The following CTNNA3 variants were observed in gnomAD, a reference collection of about 807,000 sequenced individuals.
The protein encoded by CTNNA3 is catenin alpha-3.
A neutral mutation model predicts 95.7 loss-of-function variants in CTNNA3; 76 were observed. The ratio of observed to expected loss-of-function variants is 0.79; its 90% CI spans 0.66 to 0.96. The LOEUF is 0.96. CTNNA3 is among the 40% of genes least tolerant of loss of function. The probability of loss-of-function intolerance (pLI) is 0.00; values close to 1 mark genes in which losing one functional copy is unlikely to be tolerated. For synonymous variants in CTNNA3, 431 were observed against 374.4 expected (o/e 1.15, Z -1.74); for missense variants, 1,191 against 1,089.8 (o/e 1.09, Z -1.31).
chr10:66,499,381 G>A (rs118130395), intron 11 of CTNNA3, among the ~76,000 whole-genome samples: 78 of 152,072 alleles, frequency 5.1e-4, no homozygotes, highest in Non-Finnish European at 9.4e-4. Flanking sequence ...TTAACAGTCA[G>A]GTAAATATTT....
At chr10:66,337,722 G>A (rs369680234) in intron 12 of CTNNA3, among the ~76,000 whole-genome samples, 3 of 152,106 alleles carry the variant, frequency 2.0e-5, no homozygotes, top group Admixed American at 6.5e-5. Flanking sequence ...CCACTAAGGT[G>A]GTCATAATAA....
chr10:66,242,692 C>T (rs2090158816), intron 13 of CTNNA3, among the ~76,000 whole-genome samples: 1 of 152,048 alleles, frequency 6.6e-6, no homozygotes, highest in Admixed American at 6.6e-5. Flanking sequence ...AGTGTAAAAT[C>T]GTGCAAATAT....
chr10:67,027,069 A>G (rs1489959150), intron 7 of CTNNA3, among the ~76,000 whole-genome samples: 7 of 152,238 alleles, frequency 4.6e-5, no homozygotes, highest in Non-Finnish European at 8.8e-5. Flanking sequence ...AAACTCTCTG[A>G]GAGCGTAGAT....
chr10:66,933,817 C>T (rs985138684), intron 7 of CTNNA3, among the ~76,000 whole-genome samples: 4 of 152,108 alleles, frequency 2.6e-5, no homozygotes, highest in Admixed American at 6.6e-5. Flanking sequence ...AGGCTTCCTC[C>T]GCTGGATGTA....
intron 9 of CTNNA3, among the ~76,000 whole-genome samples, chr10:66,647,836 T>A (rs1472385222): frequency 6.6e-6 from 1 of 152,040 alleles, no homozygotes; most frequent in Non-Finnish European, 1.5e-5. Context: ...ACTCTTTATA[T>A]ATGTTTTTGA....
chr10:66,998,527 AG>A (rs1315170896), intron 7 of CTNNA3, among the ~76,000 whole-genome samples: 1 of 152,192 alleles, frequency 6.6e-6, no homozygotes, highest in East Asian at 1.9e-4. Context: ...ACAATGACAC[AG>A]AAAAGTTGAA....
At chr10:66,542,111 T>A (rs572761796) in intron 10 of CTNNA3, among the ~76,000 whole-genome samples, 9 of 152,118 alleles carry the variant, frequency 5.9e-5, no homozygotes, top group African/African-American at 2.2e-4. Context: ...AAGAAGACAT[T>A]TATGCAGCCA....
At chr10:66,226,579 T>A in intron 13 of CTNNA3, among the ~76,000 whole-genome samples, 1 of 151,622 alleles carries the variant, frequency 6.6e-6, no homozygotes. Context: ...TTTTTCCTTT[T>A]TTTTTTTTTG....
At chr10:66,363,120 A>T (rs2092688401) in intron 12 of CTNNA3, among the ~76,000 whole-genome samples, 2 of 152,348 alleles carry the variant, frequency 1.3e-5, no homozygotes, top group Admixed American at 6.5e-5. Flanking sequence ...GCTGCTAAAC[A>T]TTAGGCCAAA....
intron 14 of CTNNA3, chr10:66,079,032 T>C (rs948945939): frequency 9.2e-5 from 14 of 151,802 alleles, no homozygotes; most frequent in Non-Finnish European, 1.6e-4. Context: ...GAAAAGAAAA[T>C]CTATCAAAAA....
chr10:66,805,178 T>G (rs1319978265), intron 7 of CTNNA3, among the ~76,000 whole-genome samples: 1 of 152,000 alleles, frequency 6.6e-6, no homozygotes, highest in Non-Finnish European at 1.5e-5. Flanking sequence ...TCTGGAAGCT[T>G]GAGACTGGAT....
intron 5 of CTNNA3, among the ~76,000 whole-genome samples, chr10:67,477,711 CA>C (rs1476626799): frequency 6.6e-6 from 1 of 152,082 alleles, no homozygotes; most frequent in Non-Finnish European, 1.5e-5. Context: ...AAAATAATTA[CA>C]AAAATTAGAA....
chr10:66,947,202 G>A (rs1848315601), intron 7 of CTNNA3, among the ~76,000 whole-genome samples: 1 of 152,004 alleles, frequency 6.6e-6, no homozygotes, highest in South Asian at 2.1e-4. Flanking sequence ...ATCTTTCCAA[G>A]GTATGGCCCC....
At chr10:67,189,793 A>T (rs1863036850) in intron 6 of CTNNA3, among the ~76,000 whole-genome samples, 1 of 152,164 alleles carries the variant, frequency 6.6e-6, no homozygotes, top group Admixed American at 6.6e-5. Context: ...AAACTGCATC[A>T]AAGGTAGGGA....
intron 5 of CTNNA3, among the ~76,000 whole-genome samples, chr10:67,460,888 C>G (rs971644338): frequency 6.6e-6 from 1 of 152,148 alleles, no homozygotes; most frequent in Non-Finnish European, 1.5e-5. Flanking sequence ...CAATACTATA[C>G]AGTAAATTAC....
chr10:65,970,968 TGTTA>T (rs2078086242), intron 16 of CTNNA3, among the ~76,000 whole-genome samples: 1 of 150,892 alleles, frequency 6.6e-6, no homozygotes, highest in Non-Finnish European at 1.5e-5. Context: ...ACATGTGAAA[TGTTA>T]GTCAATTAAA....
At chr10:67,054,263 TA>T (rs1308006462) in intron 7 of CTNNA3, among the ~76,000 whole-genome samples, 3 of 152,040 alleles carry the variant, frequency 2.0e-5, no homozygotes, top group African/African-American at 7.2e-5. Flanking sequence ...TGTGGAGATA[TA>T]AAAATTTACC....
chr10:66,424,498 A>G (rs2093222728), intron 11 of CTNNA3, among the ~76,000 whole-genome samples: 1 of 152,036 alleles, frequency 6.6e-6, no homozygotes, highest in Admixed American at 6.6e-5. Context: ...TGTGAAATGA[A>G]TTCTCATTGT....
chr10:66,153,108 A>G (rs2084289585), intron 13 of CTNNA3, among the ~76,000 whole-genome samples: 1 of 152,006 alleles, frequency 6.6e-6, no homozygotes, highest in Non-Finnish European at 1.5e-5. Context: ...AAAGCCCATA[A>G]AATGTTTCTT....
Sources: allele counts gnomAD v4.1 joint callset (sites outside exome capture counted in the v4.1 genomes callset), GRCh38; gene constraint gnomAD v4.1.1; transcripts MANE v1.5; gene names NCBI Gene and HGNC (gene_info 2026-07-23, HGNC 2026-07-21).